The following ZNF385C variants were observed in gnomAD, a reference collection of about 807,000 sequenced individuals.
ZNF385C encodes the protein CTD-2132N18.2.
Under a neutral mutation model 35.4 loss-of-function variants are expected in ZNF385C, and 28 were observed. The observed-to-expected ratio is 0.79, with a 90% CI of 0.59 to 1.08. The LOEUF (loss-of-function observed/expected upper bound fraction) is 1.08, where lower values mean the gene tolerates loss of function less well. Among genes scored for constraint, ZNF385C ranks in the 50% least tolerant of loss-of-function variants. ZNF385C has a pLI of 0.00. For missense variants in ZNF385C, 605 were observed against 595.6 expected (o/e 1.02, Z -0.16); for synonymous variants, 248 against 248.2 (o/e 1.00, Z 0.01).
At chr17:42,040,130 T>A in intron 2 of ZNF385C, 3 of 1,231,394 alleles carry the variant, frequency 2.4e-6, no homozygotes, top group South Asian at 8.2e-5. Context: ...TCGCCATGCG[T>A]GCCCAGCTCC....
chr17:42,027,581 TG>T, intron 8 of ZNF385C, 36 bp downstream of exon 8: 1 of 270,992 alleles, frequency 3.7e-6, no homozygotes, highest in Non-Finnish European at 7.1e-6. Flanking sequence ...TCTCCCCTCC[TG>T]ACCCAGTCCC....
intron 1 of ZNF385C, among the ~76,000 whole-genome samples, chr17:42,072,018 G>C (rs181798242): frequency 1.3e-3 from 204 of 152,260 alleles, no homozygotes; most frequent in Non-Finnish European, 2.5e-3. Context: ...CTGCACGTTG[G>C]GGGTAGGAAG....
intron 1 of ZNF385C, among the ~76,000 whole-genome samples, chr17:42,097,020 C>G (rs1421230044): frequency 6.6e-6 from 1 of 150,590 alleles, no homozygotes; most frequent in African/African-American, 2.4e-5. Context: ...CTCCCCTGCT[C>G]GCTCTCACTC....
chr17:42,038,200 G>A (rs535815652), intron 2 of ZNF385C: 1 of 731,462 alleles, frequency 1.4e-6, no homozygotes, highest in South Asian at 1.9e-5. Context: ...GTCTGGGCAG[G>A]CCCTGACACA....
chr17:42,095,494 C>CCTG lies in ZNF385C; in HGVS notation c.-3+2913_-3+2915dup, dbSNP rs2053908627. On this transcript the variant is annotated intron_variant, in intron 1 of 8. Transcript: ENST00000692273. This position sits in a 1 kb window ranked among gnomAD's most constrained non-coding sequence, Gnocchi z 4.4. The stretch of plus-strand genomic sequence containing the variant: ...TTCCCCCAGGCTAGCTTCCATCCCT[C>CCTG]CTGCTGCTGCGGCCCCATTTAGCTC... 6.6e-6 allele frequency among the ~76,000 whole-genome samples: 1 copy of CCTG among 152,196 alleles called. No homozygotes were observed. The highest frequency in any genetic ancestry group is 2.1e-4 in the South Asian group (1 of 4,830).
At chr17:42,042,379 G>A (rs1323362913) in intron 2 of ZNF385C, among the ~76,000 whole-genome samples, 6 of 152,248 alleles carry the variant, frequency 3.9e-5, no homozygotes, top group South Asian at 4.2e-4. Context: ...AAAATTAGCT[G>A]AGCGTGGTGG....
chr17:42,056,404 G>T (rs2053377074), intron 2 of ZNF385C, among the ~76,000 whole-genome samples: 1 of 152,240 alleles, frequency 6.6e-6, no homozygotes. Context: ...TGGCTCAGTT[G>T]CTCCTAATAT....
At chr17:42,043,087 G>A (rs1382348268) in intron 2 of ZNF385C, 2 of 1,232,126 alleles carry the variant, frequency 1.6e-6, no homozygotes, top group African/African-American at 3.1e-5. Context: ...GCCCTCAAAA[G>A]GGGGCTGGCC....
intron 2 of ZNF385C, among the ~76,000 whole-genome samples, chr17:42,048,091 TC>T (rs1205875873): frequency 9.9e-5 from 15 of 151,576 alleles, no homozygotes; most frequent in Admixed American, 4.0e-4. Context: ...GGTCATCTCC[TC>T]CCCCCCTTCC....
At chr17:42,089,474 A>C (rs1382093673) in intron 1 of ZNF385C, among the ~76,000 whole-genome samples, 5 of 151,896 alleles carry the variant, frequency 3.3e-5, no homozygotes, top group African/African-American at 9.7e-5. Context: ...CTTCTCTCCC[A>C]GTCCACCCCT....
At chr17:42,063,396 C>G (rs554419141) in intron 1 of ZNF385C, among the ~76,000 whole-genome samples, 1 of 152,206 alleles carries the variant, frequency 6.6e-6, no homozygotes, top group Admixed American at 6.5e-5. Context: ...GGCATGGTGG[C>G]GCATGCCTGT....
At position 42,092,719 on chromosome 17, in the gene ZNF385C, G is replaced by T. The variant is rs960003704; in HGVS notation, c.-3+5691C>A. Among the ~76,000 whole-genome samples, 3 of 152,338 alleles carry T rather than the reference G, an allele frequency of 2.0e-5. No individual in the cohort carries two copies. In the East Asian group the frequency reaches 5.8e-4, roughly 29 times the overall value. ...AAACCCAAGGGTTCCTGTTCCCAGTGCCTTTTCCTGGCATTTCCTCTCCTC... is the reference window on the plus strand; with the variant it reads ...AAACCCAAGGGTTCCTGTTCCCAGTTCCTTTTCCTGGCATTTCCTCTCCTC... On this transcript the variant is annotated intron_variant, in intron 1 of 8. Transcript: ENST00000692273.
rs567071162 is a variant in ZNF385C, at chr17:42,028,183, G to A, written c.1031C>T (p.Pro344Leu). ...GTGTCCGGCACCTCCCCTGGACACCGGGCGGCCCCGGCTCCTCCGGGGAGC... is the reference window on the plus strand; with the variant it reads ...GTGTCCGGCACCTCCCCTGGACACCAGGCGGCCCCGGCTCCTCCGGGGAGC... ...RGAPRRSRGR[P>L]VSRGGAGHKA... is the part of the protein sequence containing the mutation. The change falls in exon 7 of 9, where the codon CCG becomes CTG. Residue 344 changes from proline to leucine, a missense_variant. By Grantham distance (98) the Pro-to-Leu change is moderately conservative. Transcript: ENST00000692273. 4.3e-5 allele frequency: 68 copies of A among 1,594,962 alleles called. No homozygotes were observed. The highest frequency in any genetic ancestry group is 3.5e-4 in the African/African-American group (26 of 74,102).
At chr17:42,032,086 A>C (rs978845947) in intron 4 of ZNF385C, among the ~76,000 whole-genome samples, 6 of 151,972 alleles carry the variant, frequency 3.9e-5, no homozygotes, top group Non-Finnish European at 7.4e-5. Context: ...TTTGAGATGG[A>C]GTCTCGCTCT....
chr17:42,070,111 G>A (rs531056192), intron 1 of ZNF385C, among the ~76,000 whole-genome samples: 6 of 152,140 alleles, frequency 3.9e-5, no homozygotes, highest in East Asian at 1.9e-4. Context: ...TTGGGAGGCC[G>A]AGGCGGGCGG....
chr17:42,033,568 T>A (rs1227860811), intron 4 of ZNF385C, among the ~76,000 whole-genome samples: 1 of 152,090 alleles, frequency 6.6e-6, no homozygotes, highest in Non-Finnish European at 1.5e-5. Context: ...TTGGGCAACA[T>A]GGTGAAACCC....
intron 1 of ZNF385C, among the ~76,000 whole-genome samples, chr17:42,093,712 C>T (rs1285263152): frequency 6.6e-6 from 1 of 151,862 alleles, no homozygotes; most frequent in Non-Finnish European, 1.5e-5. Context: ...TCCCGAGTAC[C>T]TGGGATTAAA....
chr17:42,031,800 C>G lies in ZNF385C; in HGVS notation c.511-16G>C. 2 of 1,549,278 alleles carry G rather than the reference C, an allele frequency of 1.3e-6. No homozygotes were observed. Among genetic ancestry groups the G allele is most frequent in the South Asian group, 2.4e-5 (2 of 83,898 alleles). The stretch of plus-strand genomic sequence containing the variant: ...CGGCCTGGTTCTGGGGAGGGGAGGG[C>G]AAGAGGTCACCATTCACTGGCTGAG... On this transcript the variant is annotated splice_polypyrimidine_tract_variant and intron_variant, in intron 4 of 8. Coordinates refer to ENST00000692273, the MANE Select transcript of ZNF385C (RefSeq NM_001392013.1).
rs1189701515 is a variant in ZNF385C, at chr17:42,037,915, A to G, written c.251-30T>C. On this transcript the variant is annotated intron_variant, in intron 2 of 8. Transcript: ENST00000692273. ...AGGAGGAAGAAGGGCAGGGTCTGAA[A>G]TGGGCTCTGTCCTACCCCCGTGGCC... is the stretch of plus-strand genomic sequence containing the variant. 7 of 1,543,500 alleles carry G rather than the reference A, an allele frequency of 4.5e-6. No homozygotes were observed. In the East Asian group the frequency reaches 1.5e-4, roughly 32 times the overall value.
Sources: allele counts gnomAD v4.1 joint callset (sites outside exome capture counted in the v4.1 genomes callset), GRCh38; gene constraint gnomAD v4.1.1; non-coding constraint Gnocchi (gnomAD v3.1); transcripts MANE v1.5; gene names NCBI Gene and HGNC (gene_info 2026-07-23, HGNC 2026-07-21).